The following PRPF6 variants were observed in gnomAD, a reference collection of about 807,000 sequenced individuals.
The protein encoded by PRPF6 is pre-mRNA processing factor 6, also known as pre-mRNA-processing factor 6.
Under a neutral mutation model 118.3 loss-of-function variants are expected in PRPF6, and 42 were observed. That is an observed-to-expected ratio of 0.35 (90% CI 0.28 to 0.46). The LOEUF is 0.46. Ranked by LOEUF, PRPF6 falls within the 20% of genes least tolerant of loss-of-function variation. PRPF6 has a pLI of 1.00. For synonymous variants in PRPF6, 481 were observed against 485.1 expected, an observed-to-expected ratio of 0.99 and a Z score of 0.11; for missense variants, 662 against 1,255.7, an observed-to-expected ratio of 0.53 and a Z score of 7.15.
chr20:64,025,545 C>T (rs1013845059), intron 14 of PRPF6, among the ~76,000 whole-genome samples: 3 of 152,246 alleles, frequency 2.0e-5, no homozygotes, highest in Non-Finnish European at 4.4e-5. Flanking sequence ...GCTGGCTTCC[C>T]TTCATCAAGC....
chr20:64,001,727 G>A (rs942829831), intron 9 of PRPF6, among the ~76,000 whole-genome samples: 2 of 152,218 alleles, frequency 1.3e-5, no homozygotes, highest in Non-Finnish European at 2.9e-5. Context: ...TTCTGCTCCC[G>A]CGATGCAGCG....
chr20:64,012,968 T>C (rs561069243), intron 11 of PRPF6, among the ~76,000 whole-genome samples: 1 of 151,218 alleles, frequency 6.6e-6, no homozygotes, highest in East Asian at 1.9e-4. Flanking sequence ...TTTTTTTTTT[T>C]TTTTTTTTGA....
intron 12 of PRPF6, among the ~76,000 whole-genome samples, chr20:64,022,217 C>T (rs1384990086): frequency 1.3e-5 from 2 of 152,224 alleles, no homozygotes; most frequent in Non-Finnish European, 2.9e-5. Context: ...GTAAGCACAG[C>T]TGTTTTTCAA....
chr20:63,981,955 A>C (rs1436858376), intron 1 of PRPF6, among the ~76,000 whole-genome samples: 2 of 152,074 alleles, frequency 1.3e-5, no homozygotes, highest in African/African-American at 4.8e-5. Context: ...AGCTGGACTT[A>C]GGGCTGTAGA....
chr20:64,021,406 CTGTGTGTGCG>C (rs2059262388), intron 12 of PRPF6, among the ~76,000 whole-genome samples: 1 of 143,398 alleles, frequency 7.0e-6, no homozygotes, highest in Admixed American at 7.0e-5. Context: ...AGCCCTGTGT[CTGTGTGTGCG>C]TGTGTGTGCA....
chr20:64,010,336 A>T lies in PRPF6; in HGVS notation c.1305+18A>T. 1.9e-6 allele frequency: 3 copies of T among 1,598,702 alleles called. No homozygotes were observed. Among genetic ancestry groups the T allele is most frequent in the Non-Finnish European group, 8.6e-7 (1 of 1,168,842 alleles). On this transcript the variant is annotated intron_variant, in intron 10 of 20. Transcript: ENST00000266079. ...GCGTGGAGGTGAGTCTGGCGGGCTC[A>T]GGGCCACCAGAGCCCAAAGTGGCCA... is the stretch of plus-strand genomic sequence containing the variant.
chr20:64,001,075 A>G lies in PRPF6; in HGVS notation c.1024-2A>G, dbSNP rs1303926285. On this transcript the variant is annotated splice_acceptor_variant, in intron 8 of 20. Coordinates refer to ENST00000266079, the MANE Select transcript of PRPF6 (RefSeq NM_012469.4). LOFTEE classifies it high-confidence loss of function. ...TTATTGGTCTTATCTCTTGCCTCAC[A>G]GAGTGAAGATGTCTGGCTGGAAGCA... The G allele has an allele frequency of 6.2e-7, 1 of 1,613,942 alleles. No individual in the cohort carries two copies. The highest frequency in any genetic ancestry group is 8.5e-7 in the Non-Finnish European group (1 of 1,180,026).
intron 19 of PRPF6, among the ~76,000 whole-genome samples, chr20:64,030,407 C>T (rs2059309651): frequency 6.6e-6 from 1 of 152,216 alleles, no homozygotes; most frequent in African/African-American, 2.4e-5. Context: ...CTTCCTAGTG[C>T]TGGCTTTTGA....
At chr20:63,983,872 C>T (rs1041244519) in intron 2 of PRPF6, among the ~76,000 whole-genome samples, 29 of 152,168 alleles carry the variant, frequency 1.9e-4, no homozygotes, top group South Asian at 2.1e-4. Context: ...AGGCTGGTCT[C>T]GAACTCCTGA....
intron 4 of PRPF6, among the ~76,000 whole-genome samples, chr20:63,994,414 C>A (rs1385749114): frequency 1.3e-5 from 2 of 152,200 alleles, no homozygotes; most frequent in East Asian, 3.8e-4. Flanking sequence ...GCTTTGGCCT[C>A]CCAAAGTGCT....
Position 64,026,885 on chromosome 20 carries a change from A to G in PRPF6, c.2029-97A>G. The stretch of plus-strand genomic sequence containing the variant: ...GGCTATGAAAAGCTTACAAAAGTAC[A>G]CACAGTACTGCAGGTAACAGTGTTG... On this transcript the variant is annotated intron_variant, in intron 15 of 20. Coordinates refer to ENST00000266079, the MANE Select transcript of PRPF6 (RefSeq NM_012469.4). This position sits in a 1 kb window ranked among gnomAD's most constrained non-coding sequence, Gnocchi z 4.4. 1 of 1,266,326 alleles carries G rather than the reference A, an allele frequency of 7.9e-7. No individual in the cohort carries two copies. The highest frequency in any genetic ancestry group is 1.2e-6 in the Non-Finnish European group (1 of 867,682). 78.4% of individuals were successfully genotyped at this position (1,266,326 alleles called of 1,614,324 possible).
chr20:64,010,141 T>G, intron 9 of PRPF6, 59 bp from the exon 10 acceptor site: 8 of 1,437,002 alleles, frequency 5.6e-6, no homozygotes, highest in African/African-American at 1.4e-5. Context: ...GCTCACCACA[T>G]GAGCCTCCTG....
rs533632329 is a variant in PRPF6, at chr20:64,026,232, C to T, written c.2028+174C>T. 3.3e-5 allele frequency among the ~76,000 whole-genome samples: 5 copies of T among 151,670 alleles called. No homozygotes were observed. Among genetic ancestry groups the T allele is most frequent in the African/African-American group, 7.3e-5 (3 of 41,348 alleles). ...CATGTGGCCGGGCGTGGTGGCCGGGCGCGGTGGCTCACGCCTGTAATCTCA... is the reference window on the plus strand; with the variant it reads ...CATGTGGCCGGGCGTGGTGGCCGGGTGCGGTGGCTCACGCCTGTAATCTCA... On this transcript the variant is annotated intron_variant, in intron 15 of 20. Transcript: ENST00000266079. This position sits in a 1 kb window ranked among gnomAD's most constrained non-coding sequence, Gnocchi z 4.4.
intron 14 of PRPF6, among the ~76,000 whole-genome samples, chr20:64,025,502 C>G (rs1393162230): frequency 6.6e-6 from 1 of 152,242 alleles, no homozygotes; most frequent in African/African-American, 2.4e-5. Context: ...GGAGTCCTCT[C>G]TCCTGCCCAT....
Position 64,001,191 on chromosome 20 carries a change from G to A in PRPF6, c.1138G>A (p.Ala380Thr), listed in dbSNP as rs755516926. ...PQSVRIYIRA[A>T]ELETDIRAKK... ...GTCTGTCAGGATTTACATCAGAGCCGCAGAGCTGGAAACGGACATTCGTGC... is the reference window on the plus strand; with the variant it reads ...GTCTGTCAGGATTTACATCAGAGCCACAGAGCTGGAAACGGACATTCGTGC... The change falls in exon 9 of 21, where the codon GCA becomes ACA. Residue 380 changes from alanine to threonine, a missense_variant. Ala to Thr is a moderately conservative substitution (Grantham distance 58). Coordinates refer to ENST00000266079, the MANE Select transcript of PRPF6 (RefSeq NM_012469.4). 11 of 1,614,102 alleles carry A rather than the reference G, an allele frequency of 6.8e-6. No individual in the cohort carries two copies. The highest frequency in any genetic ancestry group is 1.6e-4 in the Middle Eastern group (1 of 6,084).
At chr20:64,004,216 CTG>C (rs1449112093) in intron 9 of PRPF6, among the ~76,000 whole-genome samples, 1 of 152,152 alleles carries the variant, frequency 6.6e-6, no homozygotes, top group Non-Finnish European at 1.5e-5. Flanking sequence ...TGTTGAGGGA[CTG>C]TGTTTCCACG....
intron 8 of PRPF6, among the ~76,000 whole-genome samples, chr20:64,000,381 C>T (rs1177842614): frequency 1.4e-5 from 2 of 144,076 alleles, no homozygotes; most frequent in Non-Finnish European, 1.5e-5. Context: ...CCCAGCTATT[C>T]GGTAGGTGGA....
chr20:64,005,135 A>G (rs986573477), intron 9 of PRPF6, among the ~76,000 whole-genome samples: 3 of 152,134 alleles, frequency 2.0e-5, no homozygotes, highest in Non-Finnish European at 2.9e-5. Flanking sequence ...CTTGAAGGCC[A>G]TTGTATCATG....
chr20:63,993,280 A>ATG, intron 3 of PRPF6, 127 bp from the exon 4 acceptor site: 2 of 503,304 alleles, frequency 4.0e-6, no homozygotes, highest in Admixed American at 2.7e-5. Context: ...ATATATATAT[A>ATG]TATATATTTG....
Sources: allele counts gnomAD v4.1 joint callset (sites outside exome capture counted in the v4.1 genomes callset), GRCh38; gene constraint gnomAD v4.1.1; non-coding constraint Gnocchi (gnomAD v3.1); transcripts MANE v1.5; gene names NCBI Gene and HGNC (gene_info 2026-07-23, HGNC 2026-07-21).